The following LRRIQ1 variants were observed in gnomAD, a reference collection of about 807,000 sequenced individuals.
LRRIQ1 encodes leucine rich repeats and IQ motif containing 1.
In LRRIQ1, 210 loss-of-function variants were observed where a neutral mutation model predicts 211.9. The observed-to-expected ratio is 0.99, with a 90% CI of 0.89 to 1.11. The LOEUF is 1.11. LRRIQ1 is among the 50% of genes most tolerant of loss of function. The pLI, the probability that LRRIQ1 is intolerant of heterozygous loss-of-function variation, is 0.00. For synonymous variants in LRRIQ1, 699 were observed against 650.1 expected (o/e 1.08, Z -1.14); for missense variants, 2,136 against 1,939.5 (o/e 1.10, Z -1.90).
At chr12:85,046,308 T>G (rs1879577691) in intron 5 of LRRIQ1, among the ~76,000 whole-genome samples, 171 bp downstream of exon 5, 1 of 152,202 alleles carries the variant, frequency 6.6e-6, no homozygotes, top group Admixed American at 6.5e-5. Flanking sequence ...ATCATACTTT[T>G]ATGCCTTCTA....
At chr12:85,192,394 G>GTA (rs1010499470) in intron 24 of LRRIQ1, among the ~76,000 whole-genome samples, 1 of 130,966 alleles carries the variant, frequency 7.6e-6, no homozygotes, top group African/African-American at 2.9e-5. Flanking sequence ...TATATATAGT[G>GTA]TATATATATT....
At chr12:85,100,819 A>G (rs1886293920) in intron 13 of LRRIQ1, among the ~76,000 whole-genome samples, 1 of 151,814 alleles carries the variant, frequency 6.6e-6, no homozygotes, top group East Asian at 1.9e-4. Flanking sequence ...GTCATAGTGT[A>G]AAGATAATCT....
intron 19 of LRRIQ1, among the ~76,000 whole-genome samples, chr12:85,139,229 A>G (rs1685799777): frequency 2.0e-5 from 3 of 151,558 alleles, no homozygotes; most frequent in South Asian, 4.1e-4. Context: ...CAGAATAGGA[A>G]AGATCTTTTC....
chr12:85,132,429 G>C (rs756621777), intron 18 of LRRIQ1, among the ~76,000 whole-genome samples: 3 of 152,032 alleles, frequency 2.0e-5, no homozygotes, highest in Non-Finnish European at 2.9e-5. Context: ...GGGAGAAGGC[G>C]TTCTGAAAGA....
chr12:85,121,826 TCA>T lies in LRRIQ1; in HGVS notation c.3508_3509del (p.Gln1170AspfsTer9). ...SAGFLALCQS[Q>X]IREFNLLIEN... ...CAGGTTTCCTGGCACTTTGTCAGTC[TCA>T]GATTCGAGAATTCAACTTGCTAATT... On this transcript the variant is annotated frameshift_variant, in exon 16 of 27. Coordinates refer to ENST00000393217, the MANE Select transcript of LRRIQ1 (RefSeq NM_001079910.2). LOFTEE classifies it high-confidence loss of function. The T allele has an allele frequency of 6.2e-7, 1 of 1,607,134 alleles. No homozygotes were observed. The highest frequency in any genetic ancestry group is 8.5e-7 in the Non-Finnish European group (1 of 1,176,876).
At chr12:85,050,796 A>T (rs530427571) in intron 6 of LRRIQ1, among the ~76,000 whole-genome samples, 11 of 152,264 alleles carry the variant, frequency 7.2e-5, no homozygotes, top group African/African-American at 2.6e-4. Context: ...AACCTCATCA[A>T]AAATTCCCAT....
intron 26 of LRRIQ1, among the ~76,000 whole-genome samples, chr12:85,238,154 A>C (rs1170659596): frequency 1.3e-5 from 2 of 152,046 alleles, no homozygotes; most frequent in African/African-American, 4.8e-5. Flanking sequence ...TGGACTTAAT[A>C]AATTAGACAT....
chr12:85,169,456 T>C lies in LRRIQ1; in HGVS notation c.4822+8742T>C, dbSNP rs374850864. On this transcript the variant is annotated intron_variant, in intron 24 of 26. Transcript: ENST00000393217. Reference sequence around the variant, plus strand: ...ATCTTTTCATGGCCTCCTGTTGTCCTTTGAATAAAAGCTGGACTTGATATT... The same window carrying C: ...ATCTTTTCATGGCCTCCTGTTGTCCCTTGAATAAAAGCTGGACTTGATATT... Among the ~76,000 whole-genome samples, 46 of 152,300 alleles carry C rather than the reference T, an allele frequency of 3.0e-4. No individual in the cohort carries two copies. The South Asian group carries it at 9.5e-3, about 32-fold the overall frequency.
chr12:85,050,680 C>T (rs1880196400), intron 6 of LRRIQ1, among the ~76,000 whole-genome samples: 1 of 152,114 alleles, frequency 6.6e-6, no homozygotes. Flanking sequence ...GGGATATTTA[C>T]TATATTCTCT....
chr12:85,251,588 G>T (rs571149892), intron 1 of LRRIQ1, among the ~76,000 whole-genome samples: 2 of 151,858 alleles, frequency 1.3e-5, no homozygotes, highest in African/African-American at 4.8e-5. Context: ...AATTTAGCCG[G>T]TAAAGGCAGC....
chr12:85,228,229 A>G (rs568730155), intron 24 of LRRIQ1, among the ~76,000 whole-genome samples: 1 of 152,220 alleles, frequency 6.6e-6, no homozygotes, highest in Non-Finnish European at 1.5e-5. Context: ...ATCAGAGTGA[A>G]CAGGCAACCT....
intron 19 of LRRIQ1, among the ~76,000 whole-genome samples, chr12:85,147,149 A>C (rs961438947): frequency 6.6e-6 from 1 of 151,834 alleles, no homozygotes; most frequent in African/African-American, 2.4e-5. Flanking sequence ...TTAGGCAACT[A>C]ATTTCAAAGG....
intron 24 of LRRIQ1, among the ~76,000 whole-genome samples, chr12:85,181,339 G>A (rs1473068893): frequency 1.3e-5 from 2 of 151,800 alleles, no homozygotes; most frequent in East Asian, 3.9e-4. Context: ...TGCTGAGCTG[G>A]AAGAGTGAAT....
intron 18 of LRRIQ1, among the ~76,000 whole-genome samples, chr12:85,133,155 T>G (rs1418752840): frequency 2.0e-5 from 3 of 152,196 alleles, no homozygotes; most frequent in Admixed American, 2.0e-4. Context: ...ATGCTTATCA[T>G]TGTGTTTAAA....
Position 85,197,595 on chromosome 12 carries a change from A to G in LRRIQ1, c.4823-31922A>G, listed in dbSNP as rs1001143254. Among the ~76,000 whole-genome samples the G allele has an allele frequency of 4.7e-5, 7 of 148,024 alleles. No individual in the cohort carries two copies. The South Asian group carries it at 8.5e-4, about 18-fold the overall frequency. ...TCGCAAGAACAAAAAACCAAACACC[A>G]CATATTCTCACTCATAGGTGGGAAC... On this transcript the variant is annotated intron_variant, in intron 24 of 26. Transcript: ENST00000393217.
intron 8 of LRRIQ1, among the ~76,000 whole-genome samples, chr12:85,060,804 T>G (rs952097557): frequency 3.3e-5 from 5 of 151,898 alleles, no homozygotes; most frequent in African/African-American, 1.2e-4. Context: ...ACGTTTACCA[T>G]AGATGACTGA....
At chr12:85,094,198 T>C (rs1239403628) in intron 11 of LRRIQ1, among the ~76,000 whole-genome samples, 1 of 152,214 alleles carries the variant, frequency 6.6e-6, no homozygotes, top group East Asian at 1.9e-4. Flanking sequence ...GATTACTTTG[T>C]AGACTGGACA....
rs183079686 is a variant in LRRIQ1 at position 85,203,908 on chromosome 12, G to A, written c.4823-25609G>A. On this transcript the variant is annotated intron_variant, in intron 24 of 26. Transcript: ENST00000393217. ...GGCTGCAGAAATTTGCATGAGTAAC[G>A]AGGACCCAAATGTTAACCCCCAAGA... Among the ~76,000 whole-genome samples the A allele has an allele frequency of 4.3e-3, 655 of 152,250 alleles. 1 individual carries two copies. The highest frequency in any genetic ancestry group is 7.7e-3 in the Non-Finnish European group (523 of 68,018).
intron 24 of LRRIQ1, among the ~76,000 whole-genome samples, chr12:85,214,255 G>A (rs981360222): frequency 6.6e-6 from 1 of 151,920 alleles, no homozygotes. Flanking sequence ...TTTATAAATT[G>A]GAAGACTAAA....
Sources: allele counts gnomAD v4.1 joint callset (sites outside exome capture counted in the v4.1 genomes callset), GRCh38; gene constraint gnomAD v4.1.1; transcripts MANE v1.5; gene names NCBI Gene and HGNC (gene_info 2026-07-23, HGNC 2026-07-21).